The following SPDYE10 variants were observed in gnomAD, a reference collection of about 807,000 sequenced individuals.
The protein encoded by SPDYE10 is speedy/RINGO cell cycle regulator family member E10.
the SPDYE10 span, among the ~76,000 whole-genome samples, chr7:73,135,082 A>T: frequency 6.6e-6 from 1 of 152,396 alleles, no homozygotes; most frequent in Non-Finnish European, 1.5e-5. Context: ...TCCCTCACTG[A>T]TCTGACTCAT....
chr7:73,131,163 G>A, the SPDYE10 span, among the ~76,000 whole-genome samples: 2 of 124,784 alleles, frequency 1.6e-5, no homozygotes, highest in African/African-American at 3.6e-5. Context: ...TTGCACCACC[G>A]CACCTCCAAC....
At chr7:73,149,295 T>TTG in the SPDYE10 span, among the ~76,000 whole-genome samples, 16 of 98,036 alleles carry the variant, frequency 1.6e-4, no homozygotes, top group South Asian at 7.6e-4. Flanking sequence ...AGCTATTTTT[T>TTG]GGGGGGGCGG....
chr7:73,118,150 CAAAAAA>C, the SPDYE10 span, among the ~76,000 whole-genome samples: 1 of 6,206 alleles, frequency 1.6e-4, no homozygotes, highest in Non-Finnish European at 2.5e-4. Flanking sequence ...GACTCTCTGT[CAAAAAA>C]AAAAAAAAAA....
the SPDYE10 span, among the ~76,000 whole-genome samples, chr7:73,141,070 CCACACACACACACA>C: frequency 2.2e-5 from 3 of 136,140 alleles, no homozygotes; most frequent in South Asian, 2.6e-4. Flanking sequence ...TCCATTTCTA[CCACACACACACACA>C]CACACACACA....
the SPDYE10 span, among the ~76,000 whole-genome samples, chr7:73,134,470 T>C: frequency 1.3e-5 from 2 of 148,862 alleles, no homozygotes; most frequent in African/African-American, 2.5e-5. Flanking sequence ...TGTATACATA[T>C]GTAACAAATC....
chr7:73,113,940 G>A, the SPDYE10 span, among the ~76,000 whole-genome samples: 1 of 151,860 alleles, frequency 6.6e-6, no homozygotes, highest in Admixed American at 6.6e-5. Context: ...GCAGGAGAAT[G>A]GCGTGAACCC....
chr7:73,122,662 A>G, the SPDYE10 span, among the ~76,000 whole-genome samples: 3 of 149,988 alleles, frequency 2.0e-5, no homozygotes, highest in African/African-American at 7.5e-5. Flanking sequence ...CTTTGGAGGT[A>G]CCAACCGTCT....
At chr7:73,149,749 G>A in the SPDYE10 span, among the ~76,000 whole-genome samples, 1 of 125,390 alleles carries the variant, frequency 8.0e-6, no homozygotes, top group African/African-American at 3.3e-5. Flanking sequence ...GCTAGCTGTT[G>A]GCAGAGGCCT....
At chr7:73,143,328 T>C in the SPDYE10 span, among the ~76,000 whole-genome samples, 1 of 152,048 alleles carries the variant, frequency 6.6e-6, no homozygotes, top group Non-Finnish European at 1.5e-5. Context: ...GGTGCCAGCA[T>C]CTGCTGCTAG....
chr7:73,126,909 G>GTTT, the SPDYE10 span, among the ~76,000 whole-genome samples: 159 of 68,802 alleles, frequency 2.3e-3, 3 homozygotes, highest in East Asian at 0.033. Context: ...GTTGTTGGTG[G>GTTT]TTTTTTTTTT....
the SPDYE10 span, among the ~76,000 whole-genome samples, chr7:73,153,332 G>A: frequency 1.6e-5 from 1 of 61,844 alleles, no homozygotes; most frequent in Admixed American, 1.7e-4. Flanking sequence ...AAAAAAAAAG[G>A]CCAGGCATGG....
chr7:73,127,965 T>C, the SPDYE10 span, among the ~76,000 whole-genome samples: 1 of 132,550 alleles, frequency 7.5e-6, no homozygotes, highest in African/African-American at 3.0e-5. Flanking sequence ...TACGTAAATA[T>C]CTTGCAGAGA....
chr7:73,113,778 G>A, the SPDYE10 span, among the ~76,000 whole-genome samples: 1 of 152,026 alleles, frequency 6.6e-6, no homozygotes, highest in Non-Finnish European at 1.5e-5. Context: ...GCTCATGCCT[G>A]TAATCCCAGC....
At chr7:73,138,668 C>T in the SPDYE10 span, among the ~76,000 whole-genome samples, 3 of 151,948 alleles carry the variant, frequency 2.0e-5, no homozygotes, top group East Asian at 1.9e-4. Context: ...TGAGCCACTG[C>T]GCCCAGCCAT....
the SPDYE10 span, among the ~76,000 whole-genome samples, chr7:73,123,531 A>T: frequency 4.6e-5 from 7 of 152,170 alleles, no homozygotes; most frequent in African/African-American, 1.7e-4. Flanking sequence ...CAGTGGTGTG[A>T]TCTCAGCTCA....
At chr7:73,114,032 A>G in the SPDYE10 span, among the ~76,000 whole-genome samples, 19 of 125,798 alleles carry the variant, frequency 1.5e-4, no homozygotes, top group African/African-American at 5.6e-4. Flanking sequence ...CGTCTCAAAA[A>G]AAAAAAAAAA....
chr7:73,117,668 C>T, the SPDYE10 span, among the ~76,000 whole-genome samples: 2 of 141,742 alleles, frequency 1.4e-5, no homozygotes, highest in Admixed American at 1.4e-4. Context: ...TTGGCAAAAT[C>T]CTGATTGCTA....
At chr7:73,130,355 G>A in the SPDYE10 span, among the ~76,000 whole-genome samples, 1 of 151,918 alleles carries the variant, frequency 6.6e-6, no homozygotes, top group Non-Finnish European at 1.5e-5. Context: ...TCAAAACATG[G>A]TTAACAGGAT....
At chr7:73,138,532 C>G in the SPDYE10 span, among the ~76,000 whole-genome samples, 7 of 148,232 alleles carry the variant, frequency 4.7e-5, no homozygotes, top group South Asian at 4.2e-4. Context: ...GCGCGCACCA[C>G]CACGCCCAGC....
Sources: gnomAD v4.1 joint callset for allele counts (sites outside exome capture counted in the v4.1 genomes callset) on GRCh38, gnomAD v4.1.1 for gene constraint, MANE v1.5 for transcripts, NCBI Gene and HGNC (gene_info 2026-07-23, HGNC 2026-07-21) for gene names.